Variants in GABRB3 observed in about 807,000 individuals in gnomAD.
GABRB3 encodes gamma-aminobutyric acid receptor subunit beta-3.
In GABRB3, 14 loss-of-function variants were observed where a neutral mutation model predicts 52.1. The observed-to-expected ratio is 0.27, with a 90% confidence interval of 0.18 to 0.42. The LOEUF is 0.42. Among genes scored for constraint, GABRB3 ranks in the 10% least tolerant of loss-of-function variants. The pLI is 1.00. For missense variants in GABRB3, 307 were observed against 609.1 expected (o/e 0.50, Z 5.22); for synonymous variants, 260 against 232.3 (o/e 1.12, Z -1.08).
chr15:26,757,517 C>G (rs564664960), intron 3 of GABRB3, among the ~76,000 whole-genome samples: 1 of 152,292 alleles, frequency 6.6e-6, no homozygotes, highest in South Asian at 2.1e-4. Context: ...AAATCCCAAA[C>G]TATCATCACT....
At chr15:26,729,195 C>G (rs1407989906) in intron 3 of GABRB3, among the ~76,000 whole-genome samples, 1 of 152,112 alleles carries the variant, frequency 6.6e-6, no homozygotes, top group African/African-American at 2.4e-5. Flanking sequence ...TCTCAGTGGT[C>G]CCGCTGCACA....
intron 2 of GABRB3, 47 bp from the exon 3 acceptor site, chr15:26,772,516 G>A: frequency 6.3e-7 from 1 of 1,587,644 alleles, no homozygotes; most frequent in Non-Finnish European, 8.6e-7. Flanking sequence ...CCGGCGCGGG[G>A]CGCGGGCGGC....
intron 3 of GABRB3, among the ~76,000 whole-genome samples, chr15:26,717,361 T>C (rs183211906): frequency 5.5e-4 from 83 of 152,044 alleles, no homozygotes; most frequent in Non-Finnish European, 1.0e-3. Flanking sequence ...CCAGCTCTAA[T>C]ATCCACCCAA....
intron 3 of GABRB3, among the ~76,000 whole-genome samples, chr15:26,645,770 G>A (rs1893330931): frequency 6.6e-6 from 1 of 152,100 alleles, no homozygotes; most frequent in Non-Finnish European, 1.5e-5. Flanking sequence ...ACCACAGCAA[G>A]CAAGCATGCA....
chr15:26,769,680 C>T (rs1420866025), intron 3 of GABRB3, among the ~76,000 whole-genome samples: 1 of 151,780 alleles, frequency 6.6e-6, no homozygotes, highest in Non-Finnish European at 1.5e-5. Flanking sequence ...ATTCATACCC[C>T]TCACACAATT....
intron 3 of GABRB3, among the ~76,000 whole-genome samples, chr15:26,695,839 C>T (rs1436950290): frequency 4.6e-5 from 7 of 152,136 alleles, no homozygotes; most frequent in African/African-American, 1.7e-4. Context: ...GAAGCCAAAA[C>T]AGAGAGCAGA....
intron 3 of GABRB3, among the ~76,000 whole-genome samples, chr15:26,719,310 C>G (rs144817906): frequency 6.6e-6 from 1 of 152,368 alleles, no homozygotes; most frequent in East Asian, 1.9e-4. Context: ...CGCACACGCA[C>G]TGACAGGTAT....
rs139706202 is a variant in GABRB3, at chr15:26,760,337, C to A, written c.240+12065G>T. On this transcript the variant is annotated intron_variant, in intron 3 of 8. Coordinates refer to ENST00000311550, the MANE Select transcript of GABRB3 (RefSeq NM_000814.6). ...AACTCAGAGAGCATCCATTCCAGCA[C>A]CCTCATTAGAAAGATGATCAAACTG... Among the ~76,000 whole-genome samples, 25 of 152,308 alleles carry A rather than the reference C, an allele frequency of 1.6e-4. No homozygotes were observed. The East Asian group carries it at 4.8e-3, about 29-fold the overall frequency.
At chr15:26,554,176 G>GTATATATATATAAAATATATATATATATA (rs1889645586) in intron 8 of GABRB3, among the ~76,000 whole-genome samples, 1 of 27,334 alleles carries the variant, frequency 3.7e-5, no homozygotes, top group African/African-American at 1.1e-4. Context: ...TATATATAAA[G>GTATATATATATAAAATATATATATATATA]TATATATATA....
At chr15:26,735,883 A>T (rs1890051267) in intron 3 of GABRB3, among the ~76,000 whole-genome samples, 1 of 150,320 alleles carries the variant, frequency 6.7e-6, no homozygotes, top group Non-Finnish European at 1.5e-5. Flanking sequence ...TGAGCCCAGG[A>T]GGTTGAGGCT....
At chr15:26,769,794 C>T (rs1345767689) in intron 3 of GABRB3, among the ~76,000 whole-genome samples, 1 of 152,148 alleles carries the variant, frequency 6.6e-6, no homozygotes, top group East Asian at 1.9e-4. Context: ...CTGTGTGCCT[C>T]TGTCACTTGT....
chr15:26,576,108 T>C (rs987708960), intron 6 of GABRB3, among the ~76,000 whole-genome samples: 7 of 152,256 alleles, frequency 4.6e-5, no homozygotes, highest in Non-Finnish European at 7.3e-5. Flanking sequence ...ACAGTGATAT[T>C]TGAGGAGCTC....
At chr15:26,721,246 T>C (rs1889635746) in intron 3 of GABRB3, among the ~76,000 whole-genome samples, 1 of 152,122 alleles carries the variant, frequency 6.6e-6, no homozygotes, top group Non-Finnish European at 1.5e-5. Flanking sequence ...GCTGGTAATT[T>C]TGAGAAACTG....
rs1187106820 is a variant in GABRB3 at position 26,560,993 on chromosome 15, T to C, written c.1019A>G (p.Lys340Arg). Residue 340 changes from lysine to arginine, a missense_variant, in exon 8 of 9, where the codon AAG becomes AGG. Lys to Arg is a conservative substitution (Grantham distance 26). Coordinates refer to ENST00000311550, the MANE Select transcript of GABRB3 (RefSeq NM_000814.6). ...CTTGGCTGTCTTTTCTGCAAGCTTC[T>C]TCTGCCTTTGAGGGCCTCTTCCAAA... is the stretch of plus-strand genomic sequence containing the variant. ...IFFGRGPQRQ[K>R]KLAEKTAKAK... 6.2e-7 allele frequency: 1 copy of C among 1,614,228 alleles called. No individual in the cohort carries two copies. The highest frequency in any genetic ancestry group is 8.5e-7 in the Non-Finnish European group (1 of 1,180,040).
chr15:26,693,082 T>C (rs1309518944), intron 3 of GABRB3, among the ~76,000 whole-genome samples: 1 of 152,150 alleles, frequency 6.6e-6, no homozygotes, highest in African/African-American at 2.4e-5. Flanking sequence ...ATATTAAGGA[T>C]CTAATGTCAC....
intron 3 of GABRB3, among the ~76,000 whole-genome samples, chr15:26,664,704 G>GTT (rs1162139952): frequency 0.024 from 2,318 of 95,208 alleles, 136 homozygotes; most frequent in African/African-American, 0.055. Flanking sequence ...TCTTTTCTTT[G>GTT]TTTTTTTTTT....
In GABRB3 at chr15:26,645,168, G is replaced by A. The variant is rs531451376; in HGVS notation, c.241-23634C>T. Among the ~76,000 whole-genome samples the A allele has an allele frequency of 5.1e-4, 77 of 152,230 alleles. 1 individual carries two copies. Among genetic ancestry groups the A allele is most frequent in the Admixed American group, 4.7e-3 (72 of 15,298 alleles). On this transcript the variant is annotated intron_variant, in intron 3 of 8. Coordinates refer to ENST00000311550, the MANE Select transcript of GABRB3 (RefSeq NM_000814.6). ...GAGGCGGGAAGGGTGCTTGAGCCCA[G>A]GAATTCCAGGTCACACTGAGCTATG...
intron 4 of GABRB3, among the ~76,000 whole-genome samples, chr15:26,593,248 C>G (rs1375409558): frequency 1.3e-5 from 2 of 151,936 alleles, no homozygotes; most frequent in Admixed American, 6.6e-5. Context: ...TAGAGCAGGA[C>G]CAAACAGCAA....
At chr15:26,690,481 T>C (rs1595532588) in intron 3 of GABRB3, among the ~76,000 whole-genome samples, 3 of 152,102 alleles carry the variant, frequency 2.0e-5, no homozygotes, top group African/African-American at 4.8e-5. Context: ...GTTTCTTGAC[T>C]ACCAATAAGA....
Sources: allele counts gnomAD v4.1 joint callset (sites outside exome capture counted in the v4.1 genomes callset), GRCh38; gene constraint gnomAD v4.1.1; transcripts MANE v1.5; gene names NCBI Gene and HGNC (gene_info 2026-07-23, HGNC 2026-07-21).